Variants in ATP10D observed in about 807,000 individuals in gnomAD.
The protein encoded by ATP10D is phospholipid-transporting ATPase VD.
In ATP10D, 89 loss-of-function variants were observed where a neutral mutation model predicts 144.8. That is an observed-to-expected ratio of 0.61 (90% CI 0.52 to 0.73). The LOEUF (loss-of-function observed/expected upper bound fraction) is 0.73. Ranked by LOEUF, ATP10D falls within the 30% of genes least tolerant of loss-of-function variation. The pLI is 0.00. For synonymous variants in ATP10D, 571 were observed against 615.1 expected (o/e 0.93, Z 1.06); for missense variants, 1,603 against 1,714.8 (o/e 0.93, Z 1.15).
chr4:47,497,780 A>AT (rs1159194936), intron 1 of ATP10D, among the ~76,000 whole-genome samples: 1 of 152,206 alleles, frequency 6.6e-6, no homozygotes, highest in Non-Finnish European at 1.5e-5. Context: ...TTGTATGTGA[A>AT]TTGCCACTAA....
Position 47,561,079 on chromosome 4 carries a change from G to A in ATP10D, c.2668+4G>A. The A allele has an allele frequency of 6.2e-7, 1 of 1,614,082 alleles. No individual in the cohort carries two copies. The highest frequency in any genetic ancestry group is 8.5e-7 in the Non-Finnish European group (1 of 1,179,956). On this transcript the variant is annotated splice_donor_region_variant and intron_variant, in intron 14 of 22. Transcript: ENST00000273859. ...GAGAACAAACTTACATTACTTGGTA[G>A]GTGAATTATGTTTGTATTGCCTGAA...
At chr4:47,538,164 C>CT (rs1717946138) in intron 9 of ATP10D, among the ~76,000 whole-genome samples, 2 of 152,104 alleles carry the variant, frequency 1.3e-5, no homozygotes, top group Admixed American at 6.5e-5. Context: ...TTTGTCTCTG[C>CT]TTAGTGATGA....
At chr4:47,531,811 G>C (rs1577653661) in intron 5 of ATP10D, among the ~76,000 whole-genome samples, 1 of 152,138 alleles carries the variant, frequency 6.6e-6, no homozygotes, top group East Asian at 1.9e-4. Flanking sequence ...CTATTCAGCT[G>C]TCCTCTTCCC....
chr4:47,555,257 G>C (rs1272945216), intron 11 of ATP10D, among the ~76,000 whole-genome samples: 1 of 152,172 alleles, frequency 6.6e-6, no homozygotes, highest in East Asian at 1.9e-4. Flanking sequence ...ATTATGAACT[G>C]CATATGCAAG....
chr4:47,518,522 G>A (rs1019247624), intron 3 of ATP10D, among the ~76,000 whole-genome samples: 28 of 152,140 alleles, frequency 1.8e-4, no homozygotes, highest in African/African-American at 6.0e-4. Context: ...GAGAGACTTA[G>A]AGGATTTAAA....
chr4:47,587,223 A>T lies in ATP10D; in HGVS notation c.3941+17A>T, dbSNP rs374710552. On this transcript the variant is annotated intron_variant, in intron 22 of 22. Coordinates refer to ENST00000273859, the MANE Select transcript of ATP10D (RefSeq NM_020453.4). ...TCTGCCCAGGTATGGTATTTATTTT[A>T]TCATTGAGAGAATAAATGGAATCAT... The T allele has an allele frequency of 4.0e-5, 64 of 1,591,872 alleles. No homozygotes were observed. The highest frequency in any genetic ancestry group is 5.5e-5 in the Non-Finnish European group (64 of 1,165,848).
intron 15 of ATP10D, among the ~76,000 whole-genome samples, chr4:47,567,222 T>G (rs545352691): frequency 6.6e-6 from 1 of 152,324 alleles, no homozygotes; most frequent in South Asian, 2.1e-4. Context: ...CAGATAAATT[T>G]TATCAAGTAG....
In ATP10D at chr4:47,560,960, C is replaced by A; in HGVS notation, c.2553C>A (p.Asp851Glu). 7 of 1,614,144 alleles carry A rather than the reference C, an allele frequency of 4.3e-6. No homozygotes were observed. The highest frequency in any genetic ancestry group is 5.9e-6 in the Non-Finnish European group (7 of 1,179,982). The change falls in exon 14 of 23, where the codon GAC becomes GAA. Residue 851 changes from aspartate to glutamate, a missense_variant. By Grantham distance (45) the Asp-to-Glu change is conservative. Coordinates refer to ENST00000273859, the MANE Select transcript of ATP10D (RefSeq NM_020453.4). ...AATTCTTCCCGTAGGTCATGAGTGA[C>A]ACTGAATATGCAGAGTGGCTGAGGA... ...TLCIAKKVMS[D>E]TEYAEWLRNH...
chr4:47,528,501 GTGTGTGTGTGTGTA>G (rs1178610835), intron 5 of ATP10D, among the ~76,000 whole-genome samples: 2 of 44,518 alleles, frequency 4.5e-5, no homozygotes, highest in African/African-American at 9.3e-5. Context: ...GTGTGTGTGT[GTGTGTGTGTGTGTA>G]TATATATATA....
intron 1 of ATP10D, among the ~76,000 whole-genome samples, chr4:47,509,809 C>G (rs912794560): frequency 1.3e-5 from 2 of 152,092 alleles, no homozygotes; most frequent in Admixed American, 1.3e-4. Context: ...AACATGTACA[C>G]TAACATTAGT....
intron 10 of ATP10D, among the ~76,000 whole-genome samples, chr4:47,548,601 C>T (rs1413365986): frequency 6.6e-6 from 1 of 152,194 alleles, no homozygotes; most frequent in Non-Finnish European, 1.5e-5. Flanking sequence ...AAGCTACTTA[C>T]CAGGCTGTCT....
chr4:47,505,328 G>T (rs1715960832), intron 1 of ATP10D, among the ~76,000 whole-genome samples: 1 of 152,140 alleles, frequency 6.6e-6, no homozygotes, highest in African/African-American at 2.4e-5. Context: ...GATTCTCAGG[G>T]TGTGGTCCCC....
chr4:47,542,807 G>T (rs1718221551), intron 9 of ATP10D, among the ~76,000 whole-genome samples: 1 of 152,122 alleles, frequency 6.6e-6, no homozygotes, highest in South Asian at 2.1e-4. Flanking sequence ...TCCACAAAAT[G>T]ATTAAAGGTT....
chr4:47,537,276 T>A (rs983072573), intron 9 of ATP10D, among the ~76,000 whole-genome samples: 1 of 152,158 alleles, frequency 6.6e-6, no homozygotes, highest in Non-Finnish European at 1.5e-5. Context: ...TTGGAAATAA[T>A]TCCAAAGGCA....
chr4:47,526,251 A>C (rs902704403), intron 5 of ATP10D, among the ~76,000 whole-genome samples: 1 of 152,258 alleles, frequency 6.6e-6, no homozygotes, highest in African/African-American at 2.4e-5. Flanking sequence ...GTTTGGTTTA[A>C]CATTAGAAAA....
At chr4:47,574,421 C>G (rs1335143784) in intron 18 of ATP10D, among the ~76,000 whole-genome samples, 1 of 152,186 alleles carries the variant, frequency 6.6e-6, no homozygotes, top group Non-Finnish European at 1.5e-5. Flanking sequence ...GGTCTTGGAC[C>G]AGAAGCCATT....
chr4:47,584,962 T>C (rs1185692034), intron 21 of ATP10D, among the ~76,000 whole-genome samples: 4 of 152,126 alleles, frequency 2.6e-5, no homozygotes, highest in Non-Finnish European at 5.9e-5. Flanking sequence ...ATTATAGCCC[T>C]AGAAAATAAA....
Position 47,561,080 on chromosome 4 carries a change from G to A in ATP10D, c.2668+5G>A. 2 of 1,614,062 alleles carry A rather than the reference G, an allele frequency of 1.2e-6. No homozygotes were observed. Among genetic ancestry groups the A allele is most frequent in the Non-Finnish European group, 1.7e-6 (2 of 1,179,928 alleles). ...AGAACAAACTTACATTACTTGGTAG[G>A]TGAATTATGTTTGTATTGCCTGAAT... On this transcript the variant is annotated splice_donor_5th_base_variant and intron_variant, in intron 14 of 22. Coordinates refer to ENST00000273859, the MANE Select transcript of ATP10D (RefSeq NM_020453.4).
At chr4:47,551,419 A>G (rs987438550) in intron 10 of ATP10D, among the ~76,000 whole-genome samples, 2 of 152,246 alleles carry the variant, frequency 1.3e-5, no homozygotes, top group African/African-American at 4.8e-5. Flanking sequence ...CTTGTGAAGT[A>G]AAAATTTTCT....
Sources: allele counts gnomAD v4.1 joint callset (sites outside exome capture counted in the v4.1 genomes callset), GRCh38; gene constraint gnomAD v4.1.1; transcripts MANE v1.5; gene names NCBI Gene and HGNC (gene_info 2026-07-23, HGNC 2026-07-21).